RSU1: variants seen among roughly 807,000 people sequenced by gnomAD.
RSU1 encodes rsu-1.
In RSU1, 26 loss-of-function variants were observed where a neutral mutation model predicts 31.1. That is an observed-to-expected ratio of 0.84 (90% CI 0.61 to 1.16). The LOEUF (loss-of-function observed/expected upper bound fraction) is 1.16, where lower values mean the gene tolerates loss of function less well. Ranked by LOEUF, RSU1 falls within the 50% of genes most tolerant of loss-of-function variation. The pLI is 0.00. For synonymous variants in RSU1, 164 were observed against 136.3 expected, an observed-to-expected ratio of 1.20 and a Z score of -1.41; for missense variants, 320 against 339.1, an observed-to-expected ratio of 0.94 and a Z score of 0.44.
chr10:16,606,423 C>A (rs193259790), intron 8 of RSU1, among the ~76,000 whole-genome samples: 1 of 152,174 alleles, frequency 6.6e-6, no homozygotes, highest in East Asian at 1.9e-4. Flanking sequence ...ACTCACCAGG[C>A]CCAGCTAAAA....
At chr10:16,714,260 G>A (rs1391262916) in intron 7 of RSU1, among the ~76,000 whole-genome samples, 8 of 152,180 alleles carry the variant, frequency 5.3e-5, no homozygotes, top group Non-Finnish European at 7.3e-5. Flanking sequence ...AGGTGCAGCT[G>A]TGTCAGGTGG....
chr10:16,680,810 C>G (rs981514139), intron 8 of RSU1, among the ~76,000 whole-genome samples: 1 of 152,066 alleles, frequency 6.6e-6, no homozygotes, highest in Non-Finnish European at 1.5e-5. Context: ...TGGGTGCGGA[C>G]AGATATCCAA....
At position 16,724,683 on chromosome 10, in the gene RSU1, G is replaced by T. The variant is rs1004464484; in HGVS notation, c.598+27856C>A. Among the ~76,000 whole-genome samples the T allele has an allele frequency of 3.9e-5, 6 of 152,196 alleles. No homozygotes were observed. In the East Asian group the frequency reaches 1.2e-3, roughly 29 times the overall value. ...AGGAGGTGACAGGAACGAGGGAGGG[G>T]ACATAGTGCTCACTCATCAACCCAC... On this transcript the variant is annotated intron_variant, in intron 7 of 8. Transcript: ENST00000345264.
intron 8 of RSU1, among the ~76,000 whole-genome samples, chr10:16,646,792 T>C (rs1316809945): frequency 6.6e-6 from 1 of 152,040 alleles, no homozygotes; most frequent in Non-Finnish European, 1.5e-5. Flanking sequence ...ATGTCCAGCA[T>C]CAAAGCCGTT....
intron 7 of RSU1, among the ~76,000 whole-genome samples, chr10:16,696,842 T>A (rs1026940399): frequency 2.2e-5 from 3 of 133,472 alleles, no homozygotes; most frequent in Non-Finnish European, 5.2e-5. Flanking sequence ...CCATTGATCT[T>A]TGTTTTTATC....
intron 8 of RSU1, among the ~76,000 whole-genome samples, chr10:16,600,650 C>A (rs1833702194): frequency 1.3e-5 from 2 of 151,732 alleles, no homozygotes; most frequent in South Asian, 4.2e-4. Context: ...GCAGCATTGA[C>A]CGCTGTGCTC....
intron 8 of RSU1, among the ~76,000 whole-genome samples, chr10:16,686,491 T>A (rs1440983304): frequency 6.6e-6 from 1 of 152,210 alleles, no homozygotes; most frequent in Non-Finnish European, 1.5e-5. Context: ...TAGCTCCTCT[T>A]GAAGAGAATG....
rs548363261 is a variant in RSU1 at position 16,602,318 on chromosome 10, A to G, written c.732-8822T>C. 5.3e-5 allele frequency among the ~76,000 whole-genome samples: 8 copies of G among 152,320 alleles called. No individual in the cohort carries two copies. In the South Asian group the frequency reaches 1.7e-3, roughly 32 times the overall value. ...CCGTGATCACAGCACAACATTTCCAATGCAGCTAACGTGCATTCATTATTC... is the reference window on the plus strand; with the variant it reads ...CCGTGATCACAGCACAACATTTCCAGTGCAGCTAACGTGCATTCATTATTC... On this transcript the variant is annotated intron_variant, in intron 8 of 8. Transcript: ENST00000345264.
At position 16,613,311 on chromosome 10, in the gene RSU1, G is replaced by T. The variant is rs892636802; in HGVS notation, c.732-19815C>A. On this transcript the variant is annotated intron_variant, in intron 8 of 8. Transcript: ENST00000345264. ...CTCTGTGCTTCCTGCTCCTGGAATTGCTTGTAAGCAGGCTGTGAGTCTCCA... is the reference window on the plus strand; with the variant it reads ...CTCTGTGCTTCCTGCTCCTGGAATTTCTTGTAAGCAGGCTGTGAGTCTCCA... Among the ~76,000 whole-genome samples the T allele has an allele frequency of 2.6e-5, 4 of 152,192 alleles. No homozygotes were observed. The South Asian group carries it at 8.3e-4, about 32-fold the overall frequency.
chr10:16,764,537 A>C, intron 3 of RSU1, 27 bp from the exon 4 acceptor site: 1 of 1,602,264 alleles, frequency 6.2e-7, no homozygotes, highest in South Asian at 1.1e-5. Flanking sequence ...GCTGAGTGTG[A>C]ATCTGGGAAT....
chr10:16,717,659 C>G (rs1415849718), intron 7 of RSU1, among the ~76,000 whole-genome samples: 1 of 152,028 alleles, frequency 6.6e-6, no homozygotes, highest in Non-Finnish European at 1.5e-5. Context: ...TAAAGGATGC[C>G]TTATTGTCTA....
chr10:16,682,348 A>G (rs1462368303), intron 8 of RSU1, among the ~76,000 whole-genome samples: 1 of 152,186 alleles, frequency 6.6e-6, no homozygotes, highest in Non-Finnish European at 1.5e-5. Flanking sequence ...CAGACTGATA[A>G]TGTTGACTAA....
chr10:16,691,379 G>GTTTTTT (rs371190541), intron 8 of RSU1, among the ~76,000 whole-genome samples: 1,544 of 133,704 alleles, frequency 0.012, 36 homozygotes, highest in African/African-American at 0.041. Flanking sequence ...TTTTTGTGCA[G>GTTTTTT]TTTTTTTTTT....
chr10:16,593,481 G>A lies in RSU1; in HGVS notation c.747C>T (p.His249=). 1 of 1,613,966 alleles carries A rather than the reference G, an allele frequency of 6.2e-7. No homozygotes were observed. The highest frequency in any genetic ancestry group is 8.5e-7 in the Non-Finnish European group (1 of 1,179,868). ...SETYKYLYGR[H]MQANPEPPKK... is the part of the protein sequence containing the mutation. Reference sequence around the variant, plus strand: ...TCGGTGGTTCTGGGTTGGCCTGCATGTGTCTGCCGTAGAGGCTGCAAAGAC... The same window carrying A: ...TCGGTGGTTCTGGGTTGGCCTGCATATGTCTGCCGTAGAGGCTGCAAAGAC... The change falls in exon 9 of 9, where the codon CAC becomes CAT. Residue 249 remains histidine, a synonymous_variant. Transcript: ENST00000345264.
chr10:16,619,886 T>C (rs1477747226), intron 8 of RSU1, among the ~76,000 whole-genome samples: 2 of 152,238 alleles, frequency 1.3e-5, no homozygotes, highest in East Asian at 1.9e-4. Flanking sequence ...CTTCTGCTTC[T>C]ATTTTCGTAT....
chr10:16,631,326 A>G (rs974106015), intron 8 of RSU1, among the ~76,000 whole-genome samples: 10 of 152,206 alleles, frequency 6.6e-5, no homozygotes, highest in African/African-American at 2.2e-4. Flanking sequence ...AAATAAGCCC[A>G]GGGCGCACTG....
intron 8 of RSU1, among the ~76,000 whole-genome samples, chr10:16,668,759 G>T (rs1172848596): frequency 1.3e-5 from 2 of 151,988 alleles, no homozygotes; most frequent in Non-Finnish European, 2.9e-5. Flanking sequence ...GTAAATAAAA[G>T]GAGGCACACT....
At chr10:16,769,026 C>G (rs2004488) in intron 3 of RSU1, among the ~76,000 whole-genome samples, 36,768 of 152,188 alleles carry the variant, frequency 0.24, 5,608 homozygotes, top group African/African-American at 0.43. Flanking sequence ...CCAGCCGGTA[C>G]TGCACCACTG....
At chr10:16,769,156 G>A (rs2004487) in intron 3 of RSU1, among the ~76,000 whole-genome samples, 1,807 of 152,224 alleles carry the variant, frequency 0.012, 41 homozygotes, top group East Asian at 0.068. Flanking sequence ...TGTAACAATC[G>A]CAGTTTCAAT....
Sources: allele counts gnomAD v4.1 joint callset (sites outside exome capture counted in the v4.1 genomes callset), GRCh38; gene constraint gnomAD v4.1.1; transcripts MANE v1.5; gene names NCBI Gene and HGNC (gene_info 2026-07-23, HGNC 2026-07-21).